TTC28: variants seen among roughly 807,000 people sequenced by gnomAD.
TTC28 encodes tetratricopeptide repeat domain 28.
Under a neutral mutation model 198.0 loss-of-function variants are expected in TTC28, and 61 were observed. The ratio of observed to expected loss-of-function variants is 0.31; its 90% confidence interval spans 0.25 to 0.38. The LOEUF is 0.38. TTC28 is among the 10% of genes least tolerant of loss of function. TTC28 has a pLI of 1.00. For missense variants in TTC28, 2,678 were observed against 3,164.0 expected, an observed-to-expected ratio of 0.85 and a Z score of 3.69; for synonymous variants, 1,171 against 1,297.8, an observed-to-expected ratio of 0.90 and a Z score of 2.10.
At chr22:28,008,288 G>A (rs1216450089) in intron 14 of TTC28, 4 of 152,204 alleles carry the variant, frequency 2.6e-5, no homozygotes, top group African/African-American at 9.7e-5. Flanking sequence ...TCATGGCCGA[G>A]CCCTCGGCAG....
chr22:28,475,149 C>CAAAAAAAAAAAAAAAAA (rs386395148), intron 2 of TTC28, among the ~76,000 whole-genome samples: 25 of 64,982 alleles, frequency 3.8e-4, no homozygotes, highest in African/African-American at 5.1e-4. Flanking sequence ...GACTCCATCT[C>CAAAAAAAAAAAAAAAAA]AAAAAAAAAA....
rs200365104 is a variant in TTC28, at chr22:27,993,391, C to T, written c.5372G>A (p.Arg1791Gln). 1.9e-3 allele frequency: 2,941 copies of T among 1,551,254 alleles called. 15 individuals carry two copies. Among genetic ancestry groups the T allele is most frequent in the Middle Eastern group, 1.8e-3 (11 of 5,990 alleles). Reference protein sequence around the residue: ...WQALLTAVGFRLDPPTSGLPA... With the variant: ...WQALLTAVGFQLDPPTSGLPA... ...CAGGCCACTGGTTGGGGGGTCCAGC[C>T]GGAAGCCCACAGCGGTGAGGAGGGC... Residue 1791 changes from arginine to glutamine, a missense_variant, in exon 18 of 23, where the codon CGG (arginine) becomes CAG (glutamine). Arg to Gln is a conservative substitution (Grantham distance 43, BLOSUM62 1). Coordinates refer to ENST00000397906, the MANE Select transcript of TTC28 (RefSeq NM_001145418.2).
chr22:28,024,072 A>G (rs1474490315), intron 13 of TTC28, among the ~76,000 whole-genome samples: 1 of 151,794 alleles, frequency 6.6e-6, no homozygotes, highest in Non-Finnish European at 1.5e-5. Context: ...CCTACTTAAC[A>G]CACAGCACCC....
intron 2 of TTC28, among the ~76,000 whole-genome samples, chr22:28,542,565 T>C (rs2049438774): frequency 6.6e-6 from 1 of 152,164 alleles, no homozygotes; most frequent in Non-Finnish European, 1.5e-5. Context: ...TTCTATGTTA[T>C]GTATATTTTA....
chr22:28,646,385 A>C (rs1432706986), intron 1 of TTC28, among the ~76,000 whole-genome samples: 2 of 152,214 alleles, frequency 1.3e-5, no homozygotes, highest in African/African-American at 4.8e-5. Context: ...ACTACAAAAC[A>C]CTGCTGAAAG....
intron 2 of TTC28, among the ~76,000 whole-genome samples, chr22:28,338,239 G>A (rs1180833851): frequency 6.6e-6 from 1 of 152,138 alleles, no homozygotes; most frequent in African/African-American, 2.4e-5. Flanking sequence ...TCCTTTGTGG[G>A]TAACCCGACC....
chr22:27,999,062 C>G lies in TTC28; in HGVS notation c.4597G>C (p.Val1533Leu). ...TCAGCCTGGGTCAGGGCACTCATGACCCTCTCCTTGGTGGCCACACTGCCC... is the reference window on the plus strand; with the variant it reads ...TCAGCCTGGGTCAGGGCACTCATGAGCCTCTCCTTGGTGGCCACACTGCCC... ...LVGSVATKER[V>L]MSALTQAECV... The change falls in exon 16 of 23, where the codon GTC becomes CTC. Residue 1533 changes from valine to leucine, a missense_variant. Around this residue, in one of 8 missense-constraint regions of TTC28, gnomAD observed 727 missense variants for 861.9 expected, o/e 0.84. Coordinates refer to ENST00000397906, the MANE Select transcript of TTC28 (RefSeq NM_001145418.2). 6.4e-7 allele frequency: 1 copy of G among 1,550,480 alleles called. No individual in the cohort carries two copies. The highest frequency in any genetic ancestry group is 1.4e-5 in the African/African-American group (1 of 73,186).
chr22:28,030,173 T>G, intron 13 of TTC28, 53 bp downstream of exon 13: 5 of 1,543,658 alleles, frequency 3.2e-6, no homozygotes. Flanking sequence ...ATATTATCTG[T>G]GCTCAGAGCA....
At chr22:28,339,460 T>C (rs1202209945) in intron 2 of TTC28, among the ~76,000 whole-genome samples, 1 of 152,194 alleles carries the variant, frequency 6.6e-6, no homozygotes, top group Non-Finnish European at 1.5e-5. Context: ...TTCTGCTCCC[T>C]TTTGTTTGGC....
At chr22:28,037,639 T>G (rs1327314327) in intron 12 of TTC28, among the ~76,000 whole-genome samples, 7 of 152,160 alleles carry the variant, frequency 4.6e-5, no homozygotes, top group African/African-American at 1.4e-4. Flanking sequence ...ACCACTCCTA[T>G]TCAACATAGT....
At chr22:28,620,808 T>G (rs1276324722) in intron 2 of TTC28, among the ~76,000 whole-genome samples, 1 of 152,156 alleles carries the variant, frequency 6.6e-6, no homozygotes, top group Non-Finnish European at 1.5e-5. Flanking sequence ...GCCAAAGATG[T>G]CGCAGAAAAA....
chr22:28,273,450 A>T (rs113842861), intron 5 of TTC28, among the ~76,000 whole-genome samples: 9 of 152,258 alleles, frequency 5.9e-5, no homozygotes, highest in African/African-American at 2.2e-4. Context: ...TTCCAAAAAA[A>T]TAACTAAAAT....
At chr22:28,500,841 C>T (rs1200393675) in intron 2 of TTC28, among the ~76,000 whole-genome samples, 1 of 152,070 alleles carries the variant, frequency 6.6e-6, no homozygotes, top group African/African-American at 2.4e-5. Context: ...CAAAGTGAGG[C>T]AAGAGGAAGA....
At chr22:28,027,807 G>A (rs1225341636) in intron 13 of TTC28, among the ~76,000 whole-genome samples, 1 of 152,272 alleles carries the variant, frequency 6.6e-6, no homozygotes, top group African/African-American at 2.4e-5. Flanking sequence ...CAGCAGGGCA[G>A]GGACAGGCTG....
intron 2 of TTC28, among the ~76,000 whole-genome samples, chr22:28,480,087 A>T (rs890583715): frequency 4.7e-4 from 71 of 152,208 alleles, no homozygotes; most frequent in African/African-American, 1.6e-3. Context: ...GGGGTTATCA[A>T]CATGCAGATT....
chr22:28,562,870 C>A (rs545815749), intron 2 of TTC28, among the ~76,000 whole-genome samples: 13 of 152,178 alleles, frequency 8.5e-5, no homozygotes, highest in Non-Finnish European at 1.6e-4. Flanking sequence ...TGCCTGTAAT[C>A]CCAGCATTTT....
At chr22:28,205,478 A>C (rs1172217569) in intron 5 of TTC28, among the ~76,000 whole-genome samples, 1 of 152,104 alleles carries the variant, frequency 6.6e-6, no homozygotes, top group Non-Finnish European at 1.5e-5. Flanking sequence ...TCCAGGGTCA[A>C]GTTGATATGA....
At chr22:28,383,843 T>C (rs1199013022) in intron 2 of TTC28, among the ~76,000 whole-genome samples, 1 of 152,220 alleles carries the variant, frequency 6.6e-6, no homozygotes, top group Non-Finnish European at 1.5e-5. Context: ...GATGATCCTT[T>C]TGAGCATTAG....
In TTC28 at chr22:28,032,220, A is replaced by AAT. The variant is rs1325705476; in HGVS notation, c.3933-1856_3933-1855dup. Among the ~76,000 whole-genome samples the AAT allele has an allele frequency of 1.2e-3, 134 of 107,314 alleles. 4 individuals are homozygous for AAT. The highest frequency in any genetic ancestry group is 2.1e-3 in the African/African-American group (51 of 24,336). The allele number at this position is 107,314 out of a possible 152,430, so 70.4% of individuals were successfully genotyped here. ...ATATATATAAAATATATATATATAA[A>AAT]ATATATATATATAAAATATATATAT... is the stretch of plus-strand genomic sequence containing the variant. On this transcript the variant is annotated intron_variant, in intron 12 of 22. Transcript: ENST00000397906.
Sources: allele counts gnomAD v4.1 joint callset (sites outside exome capture counted in the v4.1 genomes callset), GRCh38; gene constraint gnomAD v4.1.1; regional missense constraint gnomAD v4.1.1; transcripts MANE v1.5; gene names NCBI Gene and HGNC (gene_info 2026-07-23, HGNC 2026-07-21).